The following RINL variants were observed in gnomAD, a reference collection of about 807,000 sequenced individuals.
RINL encodes ras and Rab interactor-like protein.
RINL carries 39 observed loss-of-function variants against 58.1 expected under a neutral mutation model. That is an observed-to-expected ratio of 0.67 (90% CI 0.52 to 0.88). The LOEUF (loss-of-function observed/expected upper bound fraction) is 0.88. Ranked by LOEUF, RINL falls within the 40% of genes least tolerant of loss-of-function variation. RINL has a pLI of 0.00. For synonymous variants in RINL, 286 were observed against 323.1 expected, an observed-to-expected ratio of 0.89 and a Z score of 1.23; for missense variants, 711 against 749.2, an observed-to-expected ratio of 0.95 and a Z score of 0.60.
In RINL at chr19:38,873,888, C is replaced by T; in HGVS notation, c.311G>A (p.Arg104Lys). 3 of 1,526,880 alleles carry T rather than the reference C, an allele frequency of 2.0e-6. No homozygotes were observed. Among genetic ancestry groups the T allele is most frequent in the Non-Finnish European group, 2.6e-6 (3 of 1,138,584 alleles). The allele number at this position is 1,526,880 out of a possible 1,614,324, so 94.6% of individuals were successfully genotyped here. A position where few individuals can be genotyped will look rare whatever the true frequency, so the allele number is the denominator to read the frequency against. The change falls in exon 4 of 12, where the codon AGA (arginine) becomes AAA (lysine). Residue 104 changes from arginine to lysine, a missense_variant and splice_region_variant. Coordinates refer to ENST00000591812, the MANE Select transcript of RINL (RefSeq NM_001195833.2). ...GAACCTCAGGGGAGGTGCCTTACCTCTGGGAATCTTCTGGATCTGGTAGGT... is the reference window on the plus strand; with the variant it reads ...GAACCTCAGGGGAGGTGCCTTACCTTTGGGAATCTTCTGGATCTGGTAGGT... Reference protein sequence around the residue: ...VNTYQIQKIPRGVSLESSNLC... With the variant: ...VNTYQIQKIPKGVSLESSNLC...
intron 4 of RINL, among the ~76,000 whole-genome samples, chr19:38,872,960 G>A (rs1273430430): frequency 1.2e-5 from 1 of 85,520 alleles, no homozygotes; most frequent in African/African-American, 1.0e-4. Context: ...CAGCTACTTG[G>A]GAGGCTGAGA....
chr19:38,870,088 C>T lies in RINL; in HGVS notation c.1197G>A (p.Gly399=). ...PPGAQGPGPE[G]QSPAPALRSR... is the part of the protein sequence containing the mutation. ...TCCGCAAGGCGGGGGCGGGGCTCTG[C>T]CCTTCCGGTCCCGGCCCCTGTGCCC... Residue 399 remains glycine (G), a synonymous_variant, in exon 9 of 12, where the codon GGG becomes GGA. Coordinates refer to ENST00000591812, the MANE Select transcript of RINL (RefSeq NM_001195833.2). This position sits in a 1 kb window ranked among gnomAD's most constrained non-coding sequence, Gnocchi z 5.8. 1.3e-6 allele frequency: 2 copies of T among 1,495,702 alleles called. No homozygotes were observed. Among genetic ancestry groups the T allele is most frequent in the Non-Finnish European group, 1.8e-6 (2 of 1,128,930 alleles). The allele number at this position is 1,495,702 out of a possible 1,614,324, so 92.7% of individuals were successfully genotyped here. A position where few individuals can be genotyped will look rare whatever the true frequency, so the allele number is the denominator to read the frequency against.
chr19:38,871,635 A>G lies in RINL; in HGVS notation c.451+12T>C. ...AGGTTGGCTGTGCCCTCTTTAGAGA[A>G]CCGTGCCTCACCTGTGTGTTCATCT... On this transcript the variant is annotated intron_variant, in intron 6 of 11. Coordinates refer to ENST00000591812, the MANE Select transcript of RINL (RefSeq NM_001195833.2). The G allele has an allele frequency of 6.2e-7, 1 of 1,612,548 alleles. No individual in the cohort carries two copies. Among genetic ancestry groups the G allele is most frequent in the Non-Finnish European group, 8.5e-7 (1 of 1,179,296 alleles).
rs771395088 is a variant in RINL at position 38,869,416 on chromosome 19, G to A, written c.1475-6C>T. The stretch of plus-strand genomic sequence containing the variant: ...CGTGGTCAGGTAGTACCCAGCTGGG[G>A]ACAGAAAGGGAAGTCAGCTCCGCCC... On this transcript the variant is annotated splice_region_variant and splice_polypyrimidine_tract_variant and intron_variant, in intron 10 of 11. Coordinates refer to ENST00000591812, the MANE Select transcript of RINL (RefSeq NM_001195833.2). This position sits in a 1 kb window ranked among gnomAD's most constrained non-coding sequence, Gnocchi z 5.7. 3.8e-6 allele frequency: 6 copies of A among 1,589,792 alleles called. No homozygotes were observed. Among genetic ancestry groups the A allele is most frequent in the Non-Finnish European group, 5.2e-6 (6 of 1,164,718 alleles).
At chr19:38,875,344 C>A (rs1322222031) in intron 3 of RINL, among the ~76,000 whole-genome samples, 3 of 151,426 alleles carry the variant, frequency 2.0e-5, no homozygotes, top group African/African-American at 4.9e-5. Flanking sequence ...AGTCAGCACA[C>A]CCGGCCAGCC....
chr19:38,868,968 T>TC lies in RINL; in HGVS notation c.*135_*136insG. 2 of 578,130 alleles carry TC rather than the reference T, an allele frequency of 3.5e-6. No individual in the cohort carries two copies. Among genetic ancestry groups the TC allele is most frequent in the East Asian group, 3.8e-5 (1 of 25,992 alleles). The allele number at this position is 578,130 out of a possible 1,614,324, so 35.8% of individuals were successfully genotyped here. Reference sequence around the variant, plus strand: ...GCCACCACGCCCGGCTAATTTTTGTTTTTTTTTTTTTTTGGTAGATGGGGG... The same window carrying TC: ...GCCACCACGCCCGGCTAATTTTTGTTCTTTTTTTTTTTTTGGTAGATGGGGG... On this transcript the variant is annotated 3_prime_UTR_variant, in exon 12 of 12. Coordinates refer to ENST00000591812, the MANE Select transcript of RINL (RefSeq NM_001195833.2).
rs1275298076 is a variant in RINL at position 38,876,726 on chromosome 19, T to C, written c.17A>G (p.Asp6Gly). 6.5e-7 allele frequency: 1 copy of C among 1,535,966 alleles called. No individual in the cohort carries two copies. The highest frequency in any genetic ancestry group is 8.7e-7 in the Non-Finnish European group (1 of 1,146,880). Reference protein sequence around the residue: MAQPEDKAPEVPTEGV... With the variant: MAQPEGKAPEVPTEGV... ...CTCTGTGGGGACTTCAGGTGCCTTGTCTTCTGGCTGGGCCATCGTCAGGTT... is the reference window on the plus strand; with the variant it reads ...CTCTGTGGGGACTTCAGGTGCCTTGCCTTCTGGCTGGGCCATCGTCAGGTT... Residue 6 changes from aspartate to glycine, a missense_variant, in exon 2 of 12, where the codon GAC becomes GGC. Transcript: ENST00000591812.
intron 1 of RINL, among the ~76,000 whole-genome samples, 196 bp from the exon 2 acceptor site, chr19:38,876,977 G>A (rs756120566): frequency 1.3e-5 from 2 of 152,172 alleles, no homozygotes; most frequent in East Asian, 1.9e-4. Flanking sequence ...GCAGTGGCAC[G>A]ATCTCAGCTC....
Position 38,871,084 on chromosome 19 carries a change from C to T in RINL, c.595G>A (p.Asp199Asn). 1.3e-6 allele frequency: 2 copies of T among 1,599,282 alleles called. No homozygotes were observed. Among genetic ancestry groups the T allele is most frequent in the Non-Finnish European group, 1.7e-6 (2 of 1,173,194 alleles). ...AGGGCCCCGCCCAGCTAACCTGGAT[C>T]ATGTCTCTGAGCAGCCTCTGGCTCT... ...ETEPEAAQRH[D>N]PAPRNPAPHG... Residue 199 changes from aspartate (D) to asparagine (N), a missense_variant, in exon 7 of 12, where the codon GAT becomes AAT. Coordinates refer to ENST00000591812, the MANE Select transcript of RINL (RefSeq NM_001195833.2).
chr19:38,872,229 T>C (rs1600092806), intron 4 of RINL, among the ~76,000 whole-genome samples: 1 of 152,210 alleles, frequency 6.6e-6, no homozygotes, highest in Non-Finnish European at 1.5e-5. Context: ...CTCACGCCTG[T>C]AATTCTAGCA....
In RINL at chr19:38,869,783, C is replaced by A. The variant is rs1353056311; in HGVS notation, c.1343-79G>T. 15 of 1,588,196 alleles carry A rather than the reference C, an allele frequency of 9.4e-6. No homozygotes were observed. Among genetic ancestry groups the A allele is most frequent in the African/African-American group, 1.3e-5 (1 of 74,156 alleles). ...GACACCTTCCATCCGATCCCCAGGA[C>A]CACGAGGGCTGGCTGCCCCTCCACC... On this transcript the variant is annotated intron_variant, in intron 9 of 11. Coordinates refer to ENST00000591812, the MANE Select transcript of RINL (RefSeq NM_001195833.2). This position sits in a 1 kb window ranked among gnomAD's most constrained non-coding sequence, Gnocchi z 5.7.
At position 38,869,316 on chromosome 19, in the gene RINL, C is replaced by T; in HGVS notation, c.1569G>A (p.Glu523=). 2 of 1,614,090 alleles carry T rather than the reference C, an allele frequency of 1.2e-6. No individual in the cohort carries two copies. The highest frequency in any genetic ancestry group is 1.1e-5 in the South Asian group (1 of 91,070). Reference sequence around the variant, plus strand: ...GCCACTGGTGCAGGGAGGCGCGGGCCTCGGAGCTGAGCCCCCGGGGAGCGC... The same window carrying T: ...GCCACTGGTGCAGGGAGGCGCGGGCTTCGGAGCTGAGCCCCCGGGGAGCGC... ...TDRAPRGLSS[E]ARASLHQWHR... is the part of the protein sequence containing the mutation. Residue 523 remains glutamate (E), a synonymous_variant, in exon 11 of 12, where the codon GAG becomes GAA. Transcript: ENST00000591812. The surrounding 1 kb of genome is among the most constrained non-coding windows in gnomAD (Gnocchi z 5.7).
Position 38,870,473 on chromosome 19 carries a change from G to A in RINL, c.1024+97C>T. ...ATAGAACGCGTGGGATGTGTAGGAAGGGCGTGTGGGTGCAGAAGGAAACGT... is the reference window on the plus strand; with the variant it reads ...ATAGAACGCGTGGGATGTGTAGGAAAGGCGTGTGGGTGCAGAAGGAAACGT... On this transcript the variant is annotated intron_variant, in intron 8 of 11. Transcript: ENST00000591812. The surrounding 1 kb of genome is among the most constrained non-coding windows in gnomAD (Gnocchi z 5.8). 1 of 1,361,840 alleles carries A rather than the reference G, an allele frequency of 7.3e-7. No individual in the cohort carries two copies. Among genetic ancestry groups the A allele is most frequent in the Non-Finnish European group, 9.8e-7 (1 of 1,021,938 alleles). The allele number at this position is 1,361,840 out of a possible 1,614,324, so 84.4% of individuals were successfully genotyped here. A position where few individuals can be genotyped will look rare whatever the true frequency, so the allele number is the denominator to read the frequency against.
At chr19:38,871,029 G>A (rs749278386) in intron 7 of RINL, 37 bp from the exon 8 acceptor site, 2 of 1,579,270 alleles carry the variant, frequency 1.3e-6, no homozygotes, top group South Asian at 1.2e-5. Flanking sequence ...CCTAGAACAG[G>A]GGCAGCAGCT....
At position 38,870,179 on chromosome 19, in the gene RINL, C is replaced by G; in HGVS notation, c.1106G>C (p.Arg369Pro). 2 of 1,394,306 alleles carry G rather than the reference C, an allele frequency of 1.4e-6. No individual in the cohort carries two copies. Among genetic ancestry groups the G allele is most frequent in the Non-Finnish European group, 1.8e-6 (2 of 1,083,290 alleles). 86.4% of individuals were successfully genotyped at this position (1,394,306 alleles called of 1,614,324 possible). The change falls in exon 9 of 12, where the codon CGA (arginine) becomes CCA (proline). Residue 369 changes from arginine to proline, a missense_variant. Coordinates refer to ENST00000591812, the MANE Select transcript of RINL (RefSeq NM_001195833.2). This position sits in a 1 kb window ranked among gnomAD's most constrained non-coding sequence, Gnocchi z 5.8. ...PALWTRLRTL[R>P]APELRRLRRR... is the part of the protein sequence containing the mutation. ...CCGCAGCCGCCGCAGCTCCGGTGCT[C>G]GGAGTGTGCGGAGTCGTGTCCACAG...
chr19:38,870,714 C>A lies in RINL; in HGVS notation c.880G>T (p.Gly294Trp). 1 of 1,613,596 alleles carries A rather than the reference C, an allele frequency of 6.2e-7. No individual in the cohort carries two copies. ...AGCTCCGTGGCCGGGTCCCCAGACCCGTGGGGACCCCCAGAATCTGAGGCG... is the reference window on the plus strand; with the variant it reads ...AGCTCCGTGGCCGGGTCCCCAGACCAGTGGGGACCCCCAGAATCTGAGGCG... ...RIASDSGGPH[G>W]SGDPATELLQ... is the part of the protein sequence containing the mutation. The change falls in exon 8 of 12, where the codon GGG becomes TGG. Residue 294 changes from glycine (G) to tryptophan (W), a missense_variant. Coordinates refer to ENST00000591812, the MANE Select transcript of RINL (RefSeq NM_001195833.2). This position sits in a 1 kb window ranked among gnomAD's most constrained non-coding sequence, Gnocchi z 5.8.
At position 38,870,783 on chromosome 19, in the gene RINL, T is replaced by A; in HGVS notation, c.811A>T (p.Ser271Cys). ...CGGTACTGCCTGGCCACGTAGCTGC[T>A]CCGGGCCCTGACCAGAGACTGGACG... The part of the protein sequence containing the change: ...IHVQSLVRAR[S>C]SYVARQYRSL... The change falls in exon 8 of 12, where the codon AGC becomes TGC. Residue 271 changes from serine to cysteine, a missense_variant. By Grantham distance (112) the Ser-to-Cys change is moderately radical. Transcript: ENST00000591812. This position sits in a 1 kb window ranked among gnomAD's most constrained non-coding sequence, Gnocchi z 5.8. 2 of 1,612,766 alleles carry A rather than the reference T, an allele frequency of 1.2e-6. No homozygotes were observed. Among genetic ancestry groups the A allele is most frequent in the Non-Finnish European group, 1.7e-6 (2 of 1,179,984 alleles).
chr19:38,873,406 G>C (rs1972854589), intron 4 of RINL: 1 of 160,998 alleles, frequency 6.2e-6, no homozygotes, highest in African/African-American at 2.4e-5. Context: ...TTTGGGGCAG[G>C]GGTGTATAAC....
intron 3 of RINL, among the ~76,000 whole-genome samples, chr19:38,874,852 C>T (rs993927470): frequency 2.0e-5 from 3 of 152,118 alleles, no homozygotes; most frequent in African/African-American, 7.2e-5. Context: ...AATATTGCTA[C>T]AGCCGGGCAC....
Sources: gnomAD v4.1 joint callset for allele counts (sites outside exome capture counted in the v4.1 genomes callset) on GRCh38, gnomAD v4.1.1 for gene constraint, Gnocchi (gnomAD v3.1) non-coding constraint, MANE v1.5 for transcripts, NCBI Gene and HGNC (gene_info 2026-07-23, HGNC 2026-07-21) for gene names.